ANO10: variants seen among roughly 807,000 people sequenced by gnomAD.
ANO10 encodes the protein anoctamin-10.
Under a neutral mutation model 74.7 loss-of-function variants are expected in ANO10, and 77 were observed. The ratio of observed to expected loss-of-function variants is 1.03; its 90% CI spans 0.86 to 1.25. ANO10 has a LOEUF of 1.25. Ranked by LOEUF, ANO10 falls within the 50% of genes most tolerant of loss-of-function variation. The probability of loss-of-function intolerance (pLI) is 0.00; values close to 1 mark genes in which losing one functional copy is unlikely to be tolerated. For missense variants in ANO10, 721 were observed against 778.1 expected, an observed-to-expected ratio of 0.93 and a Z score of 0.87; for synonymous variants, 279 against 284.9, an observed-to-expected ratio of 0.98 and a Z score of 0.21.
chr3:43,622,060 G>A (rs2083428346), upstream of ANO10: 1 of 153,050 alleles, frequency 6.5e-6, no homozygotes, highest in Non-Finnish European at 1.5e-5. Flanking sequence ...GCGGGGCCTA[G>A]ATGCGGTCAC....
intron 7 of ANO10, among the ~76,000 whole-genome samples, chr3:43,568,302 C>T (rs2080487051): frequency 1.3e-5 from 2 of 151,982 alleles, no homozygotes; most frequent in African/African-American, 2.4e-5. Flanking sequence ...CAAGGATACC[C>T]AGGAATTGAA....
intron 11 of ANO10, among the ~76,000 whole-genome samples, chr3:43,494,052 CAT>C (rs767799423): frequency 1.3e-5 from 2 of 152,170 alleles, no homozygotes; most frequent in Non-Finnish European, 2.9e-5. Context: ...CAATTTATTA[CAT>C]GGTGAAATAA....
chr3:43,394,987 G>A (rs2092350656), intron 12 of ANO10, among the ~76,000 whole-genome samples: 2 of 152,130 alleles, frequency 1.3e-5, no homozygotes, highest in South Asian at 4.2e-4. Flanking sequence ...AGGAAACTAT[G>A]ATTTTGCTGG....
At chr3:43,658,138 T>C (rs1192326399) in intron 1 of ANO10, among the ~76,000 whole-genome samples, 1 of 152,134 alleles carries the variant, frequency 6.6e-6, no homozygotes, top group African/African-American at 2.4e-5. Context: ...ATTACAACAG[T>C]ACAAGTTATT....
chr3:43,609,518 A>C (rs1301377750), intron 1 of ANO10, among the ~76,000 whole-genome samples: 1 of 152,246 alleles, frequency 6.6e-6, no homozygotes, highest in Non-Finnish European at 1.5e-5. Context: ...TCCTTCTAAC[A>C]ATTTGGAGAA....
At chr3:43,477,558 G>A (rs1467366629) in intron 11 of ANO10, among the ~76,000 whole-genome samples, 1 of 152,102 alleles carries the variant, frequency 6.6e-6, no homozygotes, top group East Asian at 1.9e-4. Flanking sequence ...CAAATCAAAC[G>A]GAACAATCTG....
At chr3:43,657,113 GA>G (rs1254443852) in intron 1 of ANO10, among the ~76,000 whole-genome samples, 1 of 152,234 alleles carries the variant, frequency 6.6e-6, no homozygotes, top group African/African-American at 2.4e-5. Flanking sequence ...CTCACATGAA[GA>G]AATGTGACAA....
intron 11 of ANO10, among the ~76,000 whole-genome samples, chr3:43,484,150 C>G (rs973301256): frequency 6.6e-6 from 1 of 152,090 alleles, no homozygotes; most frequent in Non-Finnish European, 1.5e-5. Context: ...CCAGGCTGGT[C>G]TCAATCTCCT....
intron 4 of ANO10, among the ~76,000 whole-genome samples, chr3:43,585,805 A>G (rs17075841): frequency 0.01 from 1,557 of 152,320 alleles, 16 homozygotes; most frequent in Middle Eastern, 0.051. Context: ...AAAGATTCAA[A>G]AATTTTGGGA....
chr3:43,685,863 A>G (rs937774371), intron 1 of ANO10, among the ~76,000 whole-genome samples: 1 of 152,216 alleles, frequency 6.6e-6, no homozygotes, highest in African/African-American at 2.4e-5. Context: ...CATGTTCAAA[A>G]AAGATTTTCT....
At chr3:43,528,591 T>C (rs1018503258) in intron 11 of ANO10, among the ~76,000 whole-genome samples, 1 of 151,610 alleles carries the variant, frequency 6.6e-6, no homozygotes, top group African/African-American at 2.4e-5. Context: ...AATGAAAATA[T>C]AATAAGGGAC....
At chr3:43,527,003 CATAT>C (rs201454114) in intron 11 of ANO10, among the ~76,000 whole-genome samples, 2 of 49,566 alleles carry the variant, frequency 4.0e-5, no homozygotes, top group African/African-American at 8.2e-5. Flanking sequence ...TACAATGGTA[CATAT>C]ATATATATGG....
intron 12 of ANO10, among the ~76,000 whole-genome samples, chr3:43,400,303 T>A (rs2092456682): frequency 6.6e-6 from 1 of 150,722 alleles, no homozygotes; most frequent in African/African-American, 2.4e-5. Flanking sequence ...TCCCATATAG[T>A]GTCCACTAGG....
intron 12 of ANO10, among the ~76,000 whole-genome samples, chr3:43,382,493 T>C (rs890708177): frequency 2.8e-5 from 4 of 144,540 alleles, no homozygotes; most frequent in African/African-American, 1.0e-4. Context: ...CACTCCAGCC[T>C]GGGCGACAGA....
intron 5 of ANO10, among the ~76,000 whole-genome samples, chr3:43,578,000 T>C (rs993924530): frequency 1.3e-5 from 2 of 152,172 alleles, no homozygotes; most frequent in African/African-American, 2.4e-5. Flanking sequence ...GCTTGGATCA[T>C]AAGAGCATCT....
intron 11 of ANO10, among the ~76,000 whole-genome samples, chr3:43,536,655 T>A (rs1442253169): frequency 6.6e-6 from 1 of 152,144 alleles, no homozygotes; most frequent in Non-Finnish European, 1.5e-5. Context: ...CTTTTGTTCC[T>A]TTCAGCAATA....
chr3:43,408,682 T>C (rs2092618043), intron 12 of ANO10, among the ~76,000 whole-genome samples: 2 of 152,192 alleles, frequency 1.3e-5, no homozygotes, highest in South Asian at 4.1e-4. Flanking sequence ...TCCTGCCAGC[T>C]TTTTACTTTT....
chr3:43,540,358 T>A (rs2078902363), intron 11 of ANO10, among the ~76,000 whole-genome samples: 1 of 152,240 alleles, frequency 6.6e-6, no homozygotes, highest in Non-Finnish European at 1.5e-5. Context: ...AGGTTTGTTT[T>A]CTTTAAAGGA....
At chr3:43,685,021 T>G (rs933449085) in intron 1 of ANO10, among the ~76,000 whole-genome samples, 6 of 152,202 alleles carry the variant, frequency 3.9e-5, no homozygotes, top group African/African-American at 1.4e-4. Context: ...ACATGGCACA[T>G]GTATACATAT....
Sources: allele counts gnomAD v4.1 joint callset (sites outside exome capture counted in the v4.1 genomes callset), GRCh38; gene constraint gnomAD v4.1.1; transcripts MANE v1.5; gene names NCBI Gene and HGNC (gene_info 2026-07-23, HGNC 2026-07-21).